The following MTRF1L variants were observed in gnomAD, a reference collection of about 807,000 sequenced individuals.
The protein encoded by MTRF1L is peptide chain release factor 1-like, mitochondrial.
A neutral mutation model predicts 40.0 loss-of-function variants in MTRF1L; 29 were observed. That is an observed-to-expected ratio of 0.73 (90% CI 0.54 to 0.99). The LOEUF (loss-of-function observed/expected upper bound fraction) is 0.99. Among genes scored for constraint, MTRF1L ranks in the 50% least tolerant of loss-of-function variants. The probability of loss-of-function intolerance (pLI) is 0.00; values close to 1 mark genes in which losing one functional copy is unlikely to be tolerated. For missense variants in MTRF1L, 412 were observed against 464.5 expected, an observed-to-expected ratio of 0.89 and a Z score of 1.04; for synonymous variants, 150 against 175.8, an observed-to-expected ratio of 0.85 and a Z score of 1.16.
At chr6:152,992,629 A>G (rs1209119212) in intron 5 of MTRF1L, among the ~76,000 whole-genome samples, 1 of 152,176 alleles carries the variant, frequency 6.6e-6, no homozygotes, top group Non-Finnish European at 1.5e-5. Context: ...CCTTCTATAA[A>G]TAGTAATTAA....
intron 2 of MTRF1L, among the ~76,000 whole-genome samples, chr6:152,998,037 T>G (rs1244432062): frequency 6.6e-6 from 1 of 151,886 alleles, no homozygotes; most frequent in Non-Finnish European, 1.5e-5. Flanking sequence ...CTGGTGGCAC[T>G]TATGTCAATA....
At chr6:152,990,933 T>A (rs2129097001) in intron 6 of MTRF1L, among the ~76,000 whole-genome samples, 1 of 152,290 alleles carries the variant, frequency 6.6e-6, no homozygotes, top group East Asian at 1.9e-4. Flanking sequence ...TTCAAAGGAT[T>A]AAAAATGAAT....
chr6:153,002,680 C>G lies in MTRF1L; in HGVS notation c.6G>C (p.Arg2=). The stretch of plus-strand genomic sequence containing the variant: ...GGGCAGCGCCCCACAGAACCCGGGA[C>G]CGCATCCTTAGTCCGAGATCGCGGA... M[R]SRVLWGAARW... Residue 2 remains arginine (R), a synonymous_variant, in exon 1 of 7, where the codon CGG becomes CGC. Coordinates refer to ENST00000367233, the MANE Select transcript of MTRF1L (RefSeq NM_019041.7). 6.7e-7 allele frequency: 1 copy of G among 1,487,092 alleles called. No individual in the cohort carries two copies. 92.1% of individuals were successfully genotyped at this position (1,487,092 alleles called of 1,614,324 possible). A position where few individuals can be genotyped will look rare whatever the true frequency, so the allele number is the denominator to read the frequency against.
In MTRF1L at chr6:152,994,506, GC is replaced by G; in HGVS notation, c.687+6del. 1 of 1,605,838 alleles carries G rather than the reference GC, an allele frequency of 6.2e-7. No homozygotes were observed. Among genetic ancestry groups the G allele is most frequent in the South Asian group, 1.1e-5 (1 of 90,036 alleles). On this transcript the variant is annotated splice_donor_region_variant and intron_variant, in intron 4 of 6. Coordinates refer to ENST00000367233, the MANE Select transcript of MTRF1L (RefSeq NM_019041.7). ...CGGGATTCCAAGGAGAGGGGCTTAT[GC>G]CTTACCTCAGTAGGCTGGGGTAATA...
At position 152,990,012 on chromosome 6, in the gene MTRF1L, C is replaced by T. The variant is rs1478546013; in HGVS notation, c.1026G>A (p.Thr342=). 3.1e-6 allele frequency: 5 copies of T among 1,613,546 alleles called. No homozygotes were observed. The highest frequency in any genetic ancestry group is 2.7e-5 in the African/African-American group (2 of 74,862). The change falls in exon 7 of 7, where the codon ACG becomes ACA. Residue 342 remains threonine, a synonymous_variant. Coordinates refer to ENST00000367233, the MANE Select transcript of MTRF1L (RefSeq NM_019041.7). ...NRVTDHRINK[T]LHDLETFMQG... ...GCATAAAAGTTTCAAGATCATGCAG[C>T]GTCTTGTTTATTCTGTGATCTGTGA...
intron 1 of MTRF1L, among the ~76,000 whole-genome samples, chr6:153,001,626 A>G (rs1258494954): frequency 6.6e-6 from 1 of 152,224 alleles, no homozygotes; most frequent in Non-Finnish European, 1.5e-5. Flanking sequence ...CAGAAACCTA[A>G]GACTTTTCTT....
chr6:152,987,507 C>A lies in MTRF1L; in HGVS notation c.*2388G>T, dbSNP rs1204720497. ...TTACTTATTTGTAACCAGAATTAGA[C>A]AGCAAATCGGATGCAGGGGAGAAGT... On this transcript the variant is annotated 3_prime_UTR_variant, in exon 7 of 7. Transcript: ENST00000367233. 6.6e-6 allele frequency: 1 copy of A among 152,180 alleles called. No homozygotes were observed. The highest frequency in any genetic ancestry group is 1.9e-4 in the East Asian group (1 of 5,190). 9.4% of individuals were successfully genotyped at this position (152,180 alleles called of 1,614,324 possible).
At chr6:152,999,633 G>C (rs1778840127) in intron 1 of MTRF1L, among the ~76,000 whole-genome samples, 1 of 152,148 alleles carries the variant, frequency 6.6e-6, no homozygotes, top group African/African-American at 2.4e-5. Flanking sequence ...GATATTTCCT[G>C]TGCTGTTCTC....
chr6:153,000,578 A>G (rs1317086565), intron 1 of MTRF1L, among the ~76,000 whole-genome samples: 2 of 152,194 alleles, frequency 1.3e-5, no homozygotes, highest in Non-Finnish European at 2.9e-5. Context: ...CTTTGCCTAT[A>G]AAGATGTTTA....
At chr6:152,995,631 G>T (rs116300720) in intron 2 of MTRF1L, among the ~76,000 whole-genome samples, 1,940 of 152,214 alleles carry the variant, frequency 0.013, 41 homozygotes, top group African/African-American at 0.045. Flanking sequence ...CTAAGTACTT[G>T]CTCTGATTCG....
intron 2 of MTRF1L, 85 bp downstream of exon 2, chr6:152,998,465 C>G (rs1778794505): frequency 3.1e-6 from 3 of 968,236 alleles, no homozygotes. Flanking sequence ...CAGTAACAAG[C>G]TAGTCACTTG....
intron 2 of MTRF1L, 159 bp downstream of exon 2, chr6:152,998,391 T>G (rs1216423937): frequency 6.3e-6 from 3 of 474,176 alleles, no homozygotes; most frequent in Admixed American, 4.2e-5. Context: ...TATGCAATTT[T>G]GGGGGTCAAT....
intron 4 of MTRF1L, among the ~76,000 whole-genome samples, chr6:152,993,705 C>T (rs918320668): frequency 1.3e-5 from 2 of 152,152 alleles, no homozygotes; most frequent in Admixed American, 6.5e-5. Context: ...CTGAAAACTT[C>T]CACCCCAAGA....
chr6:152,992,963 C>T lies in MTRF1L; in HGVS notation c.699G>A (p.Val233=). 1 of 1,613,288 alleles carries T rather than the reference C, an allele frequency of 6.2e-7. No homozygotes were observed. Among genetic ancestry groups the T allele is most frequent in the East Asian group, 2.2e-5 (1 of 44,862 alleles). ...CAATTCTCAAATCTTTCGGATTAATCACCAGATTAATCTATACAGAAGAAA... is the reference window on the plus strand; with the variant it reads ...CAATTCTCAAATCTTTCGGATTAATTACCAGATTAATCTATACAGAAGAAA... ...ILPQPTEINL[V]INPKDLRIDT... Residue 233 remains valine, a synonymous_variant, in exon 5 of 7, where the codon GTG becomes GTA. Transcript: ENST00000367233.
chr6:152,999,839 C>T (rs146981596), intron 1 of MTRF1L, among the ~76,000 whole-genome samples: 5,044 of 152,234 alleles, frequency 0.033, 109 homozygotes, highest in Non-Finnish European at 0.05. Flanking sequence ...TTGGGTATGT[C>T]TTTATCAGCA....
At chr6:152,993,875 G>A (rs1208126747) in intron 4 of MTRF1L, among the ~76,000 whole-genome samples, 2 of 152,134 alleles carry the variant, frequency 1.3e-5, no homozygotes, top group African/African-American at 4.8e-5. Context: ...ACCTATTACA[G>A]AGCCAAATAG....
At position 152,998,066 on chromosome 6, in the gene MTRF1L, TA is replaced by T. The variant is rs532627968; in HGVS notation, c.339+483del. On this transcript the variant is annotated intron_variant, in intron 2 of 6. Coordinates refer to ENST00000367233, the MANE Select transcript of MTRF1L (RefSeq NM_019041.7). ...GTCAATAAATTAAAGTTTATATATA[TA>T]TTTTTTTATCTTTTAATTCCAGTTT... Among the ~76,000 whole-genome samples the T allele has an allele frequency of 1.6e-3, 243 of 151,322 alleles. 1 individual carries two copies. The highest frequency in any genetic ancestry group is 3.5e-3 in the Admixed American group (53 of 15,188).
Position 153,002,676 on chromosome 6 carries a change from G to C in MTRF1L, c.10C>G (p.Arg4Gly). 4 of 1,489,808 alleles carry C rather than the reference G, an allele frequency of 2.7e-6. No homozygotes were observed. Among genetic ancestry groups the C allele is most frequent in the Non-Finnish European group, 3.6e-6 (4 of 1,125,130 alleles). 92.3% of individuals were successfully genotyped at this position (1,489,808 alleles called of 1,614,324 possible). A position where few individuals can be genotyped will look rare whatever the true frequency, so the allele number is the denominator to read the frequency against. The change falls in exon 1 of 7, where the codon CGG becomes GGG. Residue 4 changes from arginine to glycine, a missense_variant. By Grantham distance (125) the Arg-to-Gly change is moderately radical. Transcript: ENST00000367233. Reference sequence around the variant, plus strand: ...CACCGGGCAGCGCCCCACAGAACCCGGGACCGCATCCTTAGTCCGAGATCG... The same window carrying C: ...CACCGGGCAGCGCCCCACAGAACCCCGGACCGCATCCTTAGTCCGAGATCG... MRS[R>G]VLWGAARWLW... is the part of the protein sequence containing the mutation.
Position 152,991,209 on chromosome 6 carries a change from TTTA to T in MTRF1L, c.915_917del (p.Asn305del). On this transcript the variant is annotated inframe_deletion, in exon 6 of 7. Transcript: ENST00000367233. ...CCTGAATTTTTCTAGCATTCTGTCT[TTTA>T]TTTATTTCTTCTTCTAGATGCATGC... 3.8e-6 allele frequency: 6 copies of T among 1,561,246 alleles called. No homozygotes were observed. The highest frequency in any genetic ancestry group is 5.2e-6 in the Non-Finnish European group (6 of 1,158,030).
Sources: gnomAD v4.1 joint callset for allele counts (sites outside exome capture counted in the v4.1 genomes callset) on GRCh38, gnomAD v4.1.1 for gene constraint, MANE v1.5 for transcripts, NCBI Gene and HGNC (gene_info 2026-07-23, HGNC 2026-07-21) for gene names.